Variants in NKTR observed in about 807,000 individuals in gnomAD.
The protein encoded by NKTR is natural killer cell triggering receptor.
A neutral mutation model predicts 156.3 loss-of-function variants in NKTR; 67 were observed. The observed-to-expected ratio is 0.43, with a 90% CI of 0.35 to 0.53. The LOEUF (loss-of-function observed/expected upper bound fraction) is 0.53, where lower values mean the gene tolerates loss of function less well. NKTR is among the 20% of genes least tolerant of loss of function. The probability of loss-of-function intolerance (pLI) is 0.01; values close to 1 mark genes in which losing one functional copy is unlikely to be tolerated. For synonymous variants in NKTR, 640 were observed against 596.6 expected (o/e 1.07, Z -1.06); for missense variants, 1,604 against 1,730.9 (o/e 0.93, Z 1.30).
chr3:42,620,381 C>A, intron 5 of NKTR: 1 of 1,043,830 alleles, frequency 9.6e-7, no homozygotes, highest in Non-Finnish European at 1.2e-6. Flanking sequence ...ATAATAGTAG[C>A]ATCTGCATAA....
In NKTR at chr3:42,633,754, CTATT is replaced by C. The variant is rs758777587; in HGVS notation, c.929+25_929+28del. 156 of 1,613,342 alleles carry C rather than the reference CTATT, an allele frequency of 9.7e-5. No homozygotes were observed. Among genetic ancestry groups the C allele is most frequent in the East Asian group, 6.7e-4 (30 of 44,852 alleles). On this transcript the variant is annotated intron_variant, in intron 10 of 16. Transcript: ENST00000232978. ...CTGAACCGTAAGTAGGATGACTAAACTATTTATTTTTATTTCTCCGATAACACTG... is the reference window on the plus strand; with the variant it reads ...CTGAACCGTAAGTAGGATGACTAAACTATTTTTATTTCTCCGATAACACTG...
intron 2 of NKTR, among the ~76,000 whole-genome samples, chr3:42,605,896 T>C (rs1407566567): frequency 6.6e-6 from 1 of 152,216 alleles, no homozygotes. Context: ...TGCCATCTTA[T>C]AGATTGTATT....
At position 42,638,718 on chromosome 3, in the gene NKTR, A is replaced by G. The variant is rs763105558; in HGVS notation, c.3014A>G (p.His1005Arg). ...EKLKGKKDKK[H>R]KAPKRKQAFH... The stretch of plus-strand genomic sequence containing the variant: ...TTGAAAGGGAAAAAAGACAAAAAGC[A>G]TAAGGCTCCAAAACGAAAGCAAGCA... Residue 1005 changes from histidine (H) to arginine (R), a missense_variant, in exon 13 of 17, where the codon CAT becomes CGT. This residue lies in a region of NKTR where 1,255 missense variants were observed against 1,243.7 expected (regional missense o/e 1.01). Transcript: ENST00000232978. 1.2e-5 allele frequency: 20 copies of G among 1,614,052 alleles called. No homozygotes were observed. In the South Asian group the frequency reaches 2.0e-4, roughly 16 times the overall value.
intron 9 of NKTR, 118 bp from the exon 10 acceptor site, chr3:42,633,462 T>C: frequency 3.5e-6 from 5 of 1,445,962 alleles, no homozygotes; most frequent in Non-Finnish European, 4.5e-6. Context: ...ATAACTCTTT[T>C]GAGTGAGACT....
At chr3:42,609,128 C>CAA (rs34365155) in intron 2 of NKTR, among the ~76,000 whole-genome samples, 2,055 of 131,990 alleles carry the variant, frequency 0.016, 28 homozygotes, top group African/African-American at 0.032. Context: ...ACTCATATAT[C>CAA]AAAAAAAAAA....
At chr3:42,623,466 A>T (rs1231268064) in intron 6 of NKTR, among the ~76,000 whole-genome samples, 2 of 152,080 alleles carry the variant, frequency 1.3e-5, no homozygotes, top group Non-Finnish European at 2.9e-5. Flanking sequence ...TACTTTCTTT[A>T]TGCTGGCTAG....
intron 11 of NKTR, 164 bp from the exon 12 acceptor site, chr3:42,635,057 T>TAAAAAA (rs58779310): frequency 1.4e-5 from 4 of 286,750 alleles, no homozygotes; most frequent in Admixed American, 6.6e-5. Context: ...AGTTAAAAAC[T>TAAAAAA]AAAAAAAAAA....
intron 2 of NKTR, among the ~76,000 whole-genome samples, chr3:42,616,298 T>A (rs1707361719): frequency 6.6e-6 from 1 of 152,230 alleles, no homozygotes; most frequent in Non-Finnish European, 1.5e-5. Flanking sequence ...GGAAAGGAAC[T>A]GAAGAGTAAT....
In NKTR at chr3:42,638,293, G is replaced by C. The variant is rs1709594709; in HGVS notation, c.2589G>C (p.Glu863Asp). The C allele has an allele frequency of 6.2e-7, 1 of 1,606,584 alleles. No homozygotes were observed. The highest frequency in any genetic ancestry group is 1.7e-5 in the Admixed American group (1 of 57,914). Residue 863 changes from glutamate to aspartate, a missense_variant, in exon 13 of 17, where the codon GAG becomes GAC. Physicochemically the swap from Glu to Asp is conservative, Grantham distance 45. This residue lies in a region of NKTR where 1,255 missense variants were observed against 1,243.7 expected (regional missense o/e 1.01). Transcript: ENST00000232978. ...CPHSKKRTLK[E>D]NLSDHLRNGS... is the part of the protein sequence containing the mutation. Reference sequence around the variant, plus strand: ...ATTCAAAAAAAAGAACTTTGAAAGAGAATCTTTCTGATCACCTTAGAAATG... The same window carrying C: ...ATTCAAAAAAAAGAACTTTGAAAGACAATCTTTCTGATCACCTTAGAAATG...
intron 2 of NKTR, among the ~76,000 whole-genome samples, chr3:42,614,098 A>G (rs1271439178): frequency 6.6e-6 from 1 of 152,212 alleles, no homozygotes; most frequent in Non-Finnish European, 1.5e-5. Flanking sequence ...CCCAGCCGGT[A>G]TCAACTGATT....
chr3:42,634,981 A>C, intron 11 of NKTR: 3 of 451,486 alleles, frequency 6.6e-6, no homozygotes, highest in Non-Finnish European at 1.2e-5. Flanking sequence ...ATTACAGGTG[A>C]ATCTCAGCCT....
intron 6 of NKTR, chr3:42,629,676 A>G: frequency 1.0e-6 from 1 of 979,152 alleles, no homozygotes; most frequent in Non-Finnish European, 1.2e-6. Context: ...CTTGTAGTAT[A>G]TAATTCTGAG....
chr3:42,632,337 T>C (rs548717079), intron 8 of NKTR, among the ~76,000 whole-genome samples: 18 of 152,170 alleles, frequency 1.2e-4, no homozygotes, highest in African/African-American at 4.3e-4. Flanking sequence ...TCCCACAGTG[T>C]TAGGATTACA....
At chr3:42,643,458 G>A in intron 15 of NKTR, 63 bp downstream of exon 15, 2 of 1,361,802 alleles carry the variant, frequency 1.5e-6, no homozygotes, top group Non-Finnish European at 2.1e-6. Flanking sequence ...TTTGTAAACT[G>A]TTTGTTCAAA....
At position 42,600,708 on chromosome 3, in the gene NKTR, T is replaced by G; in HGVS notation, c.-94T>G. On this transcript the variant is annotated 5_prime_UTR_variant, in exon 1 of 17. Transcript: ENST00000232978. ...GGAGACGGCGTTCCGTTAGCGGCGT[T>G]GGGGTTTGGCTGCAGTGGCAGTGCT... is the stretch of plus-strand genomic sequence containing the variant. 3 of 253,298 alleles carry G rather than the reference T, an allele frequency of 1.2e-5. No homozygotes were observed. The highest frequency in any genetic ancestry group is 7.5e-6 in the Non-Finnish European group (1 of 132,842). The allele number at this position is 253,298 out of a possible 1,614,324, so 15.7% of individuals were successfully genotyped here.
At chr3:42,609,492 C>A (rs1706558792) in intron 2 of NKTR, among the ~76,000 whole-genome samples, 1 of 152,172 alleles carries the variant, frequency 6.6e-6, no homozygotes, top group South Asian at 2.1e-4. Context: ...GGCAAAACAT[C>A]TTTGTAGATT....
Position 42,642,515 on chromosome 3 carries a change from C to T in NKTR, c.4061C>T (p.Ser1354Phe). Reference protein sequence around the residue: ...STSSYRSRSYSRSRSRGWYSR... With the variant: ...STSSYRSRSYFRSRSRGWYSR... ...TTTAATTGTAGATCAAGAAGCTACT[C>T]TAGAAGTCGGAGCAGAGGATGGTAC... The change falls in exon 14 of 17, where the codon TCT becomes TTT. Residue 1354 changes from serine to phenylalanine, a missense_variant. Physicochemically the swap from Ser to Phe is radical, Grantham distance 155 (BLOSUM62 -2). This residue lies in a region of NKTR where 193 missense variants were observed against 220.2 expected (regional missense o/e 0.88). Transcript: ENST00000232978. The T allele has an allele frequency of 1.9e-6, 3 of 1,613,242 alleles. No individual in the cohort carries two copies. Among genetic ancestry groups the T allele is most frequent in the Non-Finnish European group, 2.5e-6 (3 of 1,179,202 alleles).
At chr3:42,605,024 C>T (rs1706093759) in intron 2 of NKTR, among the ~76,000 whole-genome samples, 1 of 152,038 alleles carries the variant, frequency 6.6e-6, no homozygotes, top group Non-Finnish European at 1.5e-5. Context: ...GTTTTTGCAT[C>T]ATTCATTTTG....
At chr3:42,624,288 A>G (rs930460066) in intron 6 of NKTR, among the ~76,000 whole-genome samples, 1 of 151,964 alleles carries the variant, frequency 6.6e-6, no homozygotes, top group Non-Finnish European at 1.5e-5. Context: ...TTGGAATAGT[A>G]CTGCTCAAGA....
Sources: allele counts gnomAD v4.1 joint callset (sites outside exome capture counted in the v4.1 genomes callset), GRCh38; gene constraint gnomAD v4.1.1; regional missense constraint gnomAD v4.1.1; transcripts MANE v1.5; gene names NCBI Gene and HGNC (gene_info 2026-07-23, HGNC 2026-07-21).